Variants in SPAG1 observed in about 807,000 individuals in gnomAD.
SPAG1 encodes the protein sperm-associated antigen 1.
In SPAG1, 69 loss-of-function variants were observed where a neutral mutation model predicts 100.5. The observed-to-expected ratio is 0.69, with a 90% CI of 0.57 to 0.84. SPAG1 has a LOEUF of 0.84. SPAG1 is among the 40% of genes least tolerant of loss of function. The probability of loss-of-function intolerance (pLI) is 0.00; values close to 1 mark genes in which losing one functional copy is unlikely to be tolerated. For synonymous variants in SPAG1, 336 were observed against 411.6 expected (o/e 0.82, Z 2.22); for missense variants, 955 against 1,133.1 (o/e 0.84, Z 2.26).
intron 13 of SPAG1, 82 bp downstream of exon 13, chr8:100,220,513 T>C: frequency 8.8e-7 from 1 of 1,138,984 alleles, no homozygotes; most frequent in Non-Finnish European, 1.2e-6. Context: ...CATGTCAAAA[T>C]ATAGATGTGT....
intron 10 of SPAG1, among the ~76,000 whole-genome samples, chr8:100,212,532 T>G (rs1225543048): frequency 6.6e-6 from 1 of 152,248 alleles, no homozygotes; most frequent in African/African-American, 2.4e-5. Context: ...GAAAATTTGC[T>G]GTGTTTTTAA....
intron 4 of SPAG1, among the ~76,000 whole-genome samples, chr8:100,179,154 G>A (rs990352881): frequency 6.6e-6 from 1 of 150,770 alleles, no homozygotes; most frequent in Non-Finnish European, 1.5e-5. Context: ...AAGCCAAGGA[G>A]GGTGGATCAC....
chr8:100,238,466 T>C (rs942149918), intron 16 of SPAG1, among the ~76,000 whole-genome samples: 2 of 152,230 alleles, frequency 1.3e-5, no homozygotes, highest in African/African-American at 4.8e-5. Flanking sequence ...TTACACATCC[T>C]TGCAATTCTT....
intron 1 of SPAG1, among the ~76,000 whole-genome samples, chr8:100,160,115 C>T (rs748202812): frequency 2.6e-4 from 40 of 152,078 alleles, no homozygotes; most frequent in Non-Finnish European, 4.6e-4. Flanking sequence ...ATATTTGTTG[C>T]TATTATTATT....
intron 12 of SPAG1, among the ~76,000 whole-genome samples, chr8:100,215,763 A>G (rs1485259779): frequency 6.6e-6 from 1 of 152,156 alleles, no homozygotes; most frequent in Non-Finnish European, 1.5e-5. Flanking sequence ...TGACCTCGTG[A>G]TCCACCCGCC....
intron 12 of SPAG1, among the ~76,000 whole-genome samples, chr8:100,215,863 C>CT (rs2132366326): frequency 6.6e-6 from 1 of 152,322 alleles, no homozygotes; most frequent in South Asian, 2.1e-4. Flanking sequence ...GTATCTGTGC[C>CT]TAAGTTTAAA....
chr8:100,174,967 T>C (rs995288125), intron 3 of SPAG1, among the ~76,000 whole-genome samples: 21 of 123,488 alleles, frequency 1.7e-4, no homozygotes, highest in Admixed American at 3.8e-4. Context: ...TATTATTTCA[T>C]GGCTTTTTTT....
In SPAG1 at chr8:100,199,442, C is replaced by T. The variant is rs555409213; in HGVS notation, c.1096+5174C>T. Among the ~76,000 whole-genome samples the T allele has an allele frequency of 1.2e-4, 18 of 151,914 alleles. No individual in the cohort carries two copies. In the East Asian group the frequency reaches 3.1e-3, roughly 26 times the overall value. ...AGAAATGTCTATTCAAGTTCTTTGCCTTTTTTTTGTTGTTGTTGTTGAGAT... is the reference window on the plus strand; with the variant it reads ...AGAAATGTCTATTCAAGTTCTTTGCTTTTTTTTTGTTGTTGTTGTTGAGAT... On this transcript the variant is annotated intron_variant, in intron 10 of 18. Coordinates refer to ENST00000388798, the MANE Select transcript of SPAG1 (RefSeq NM_003114.5).
At position 100,216,339 on chromosome 8, in the gene SPAG1, G is replaced by T. The variant is rs547649887; in HGVS notation, c.1535+2421G>T. Among the ~76,000 whole-genome samples the T allele has an allele frequency of 3.9e-5, 6 of 152,320 alleles. No individual in the cohort carries two copies. The South Asian group carries it at 1.2e-3, about 32-fold the overall frequency. On this transcript the variant is annotated intron_variant, in intron 12 of 18. Coordinates refer to ENST00000388798, the MANE Select transcript of SPAG1 (RefSeq NM_003114.5). ...GGTCAGGACACTTTAGTTAAAACTT[G>T]AGACCCCTAACATTAGAGCTGCTGC...
chr8:100,197,508 G>A (rs968696110), intron 10 of SPAG1, among the ~76,000 whole-genome samples: 2 of 152,170 alleles, frequency 1.3e-5, no homozygotes, highest in Non-Finnish European at 2.9e-5. Context: ...GTTTGATAGA[G>A]TGTGAAAAGA....
chr8:100,165,064 A>G lies in SPAG1; in HGVS notation c.141-750A>G, dbSNP rs539932758. Among the ~76,000 whole-genome samples, 10 of 152,330 alleles carry G rather than the reference A, an allele frequency of 6.6e-5. No individual in the cohort carries two copies. The South Asian group carries it at 2.1e-3, about 32-fold the overall frequency. On this transcript the variant is annotated intron_variant, in intron 2 of 18. Transcript: ENST00000388798. Reference sequence around the variant, plus strand: ...TAATTCATATGAATTCCCTCTTCACATGAAGAGTACAGACAACAAACAGGG... The same window carrying G: ...TAATTCATATGAATTCCCTCTTCACGTGAAGAGTACAGACAACAAACAGGG...
Position 100,194,247 on chromosome 8 carries a change from G to A in SPAG1, c.1075G>A (p.Glu359Lys), listed in dbSNP as rs1187813823. ...AGAAGGAAAAAGCGGAAGAAAACAT[G>A]AAGATGGCGGTGGAGATAAGAGTAA... ...DEEGKSGRKH[E>K]DGGGDKKPAE... The change falls in exon 10 of 19, where the codon GAA (glutamate) becomes AAA (lysine). Residue 359 changes from glutamate to lysine, a missense_variant. Glu to Lys is a moderately conservative substitution (Grantham distance 56). Coordinates refer to ENST00000388798, the MANE Select transcript of SPAG1 (RefSeq NM_003114.5). The A allele has an allele frequency of 6.2e-7, 1 of 1,608,044 alleles. No homozygotes were observed. The highest frequency in any genetic ancestry group is 1.1e-5 in the South Asian group (1 of 90,770).
chr8:100,186,850 T>C (rs917422609), intron 7 of SPAG1, among the ~76,000 whole-genome samples: 1 of 152,072 alleles, frequency 6.6e-6, no homozygotes, highest in Non-Finnish European at 1.5e-5. Context: ...TGTCCAAATA[T>C]CTTCTTCTTA....
Position 100,177,601 on chromosome 8 carries a change from A to G in SPAG1, c.301-215A>G, listed in dbSNP as rs118190746. ...ATGCATTCATGAAATACCTAACTTT[A>G]TCTTAATTTTTTTGATATTTCTAAT... is the stretch of plus-strand genomic sequence containing the variant. On this transcript the variant is annotated intron_variant, in intron 3 of 18. Coordinates refer to ENST00000388798, the MANE Select transcript of SPAG1 (RefSeq NM_003114.5). 2.8e-3 allele frequency among the ~76,000 whole-genome samples: 433 copies of G among 152,218 alleles called. 11 individuals carry two copies. The East Asian group carries it at 0.063, about 22-fold the overall frequency.
In SPAG1 at chr8:100,240,775, A is replaced by G. The variant is rs765078466; in HGVS notation, c.2649+4A>G. On this transcript the variant is annotated splice_donor_region_variant and intron_variant, in intron 18 of 18. Transcript: ENST00000388798. ...GAGTAAAGCAGAAAGGTTTAAGGTA[A>G]GTGGCTAAGTATTTTATTAGTAGAA... The G allele has an allele frequency of 6.3e-7, 1 of 1,575,152 alleles. No individual in the cohort carries two copies. The highest frequency in any genetic ancestry group is 2.0e-5 in the Admixed American group (1 of 51,062).
At chr8:100,201,428 T>C (rs1817271710) in intron 10 of SPAG1, among the ~76,000 whole-genome samples, 1 of 152,180 alleles carries the variant, frequency 6.6e-6, no homozygotes, top group Non-Finnish European at 1.5e-5. Flanking sequence ...CCTGGGCAAC[T>C]CCTGTGTTTT....
chr8:100,174,610 T>C (rs1816025925), intron 3 of SPAG1, among the ~76,000 whole-genome samples: 1 of 152,212 alleles, frequency 6.6e-6, no homozygotes, highest in Non-Finnish European at 1.5e-5. Context: ...TTAGTCCCCG[T>C]ATCACAGAGG....
chr8:100,240,376 C>T, intron 17 of SPAG1, 27 bp from the exon 18 acceptor site: 2 of 1,556,712 alleles, frequency 1.3e-6, no homozygotes, highest in South Asian at 1.2e-5. Context: ...TTCAGTGTCA[C>T]AATGCATTTT....
At chr8:100,170,241 G>T (rs1393581480) in intron 3 of SPAG1, among the ~76,000 whole-genome samples, 1 of 152,082 alleles carries the variant, frequency 6.6e-6, no homozygotes, top group Non-Finnish European at 1.5e-5. Flanking sequence ...TTTTCAGTAT[G>T]TAGTTCTTGC....
Sources: allele counts gnomAD v4.1 joint callset (sites outside exome capture counted in the v4.1 genomes callset), GRCh38; gene constraint gnomAD v4.1.1; transcripts MANE v1.5; gene names NCBI Gene and HGNC (gene_info 2026-07-23, HGNC 2026-07-21).